The following CADM2 variants were observed in gnomAD, a reference collection of about 807,000 sequenced individuals.
CADM2 encodes the protein cell adhesion molecule 2.
Under a neutral mutation model 49.8 loss-of-function variants are expected in CADM2, and 12 were observed. The observed-to-expected ratio is 0.24, with a 90% CI of 0.15 to 0.39. CADM2 has a LOEUF of 0.39. Ranked by LOEUF, CADM2 falls within the 10% of genes least tolerant of loss-of-function variation. CADM2 has a pLI of 1.00. For missense variants in CADM2, 378 were observed against 492.3 expected, an observed-to-expected ratio of 0.77 and a Z score of 2.20; for synonymous variants, 214 against 175.4, an observed-to-expected ratio of 1.22 and a Z score of -1.74.
At chr3:85,559,871 A>G (rs1298357793) in intron 1 of CADM2, among the ~76,000 whole-genome samples, 1 of 152,154 alleles carries the variant, frequency 6.6e-6, no homozygotes, top group Non-Finnish European at 1.5e-5. Flanking sequence ...ATAAAATTTA[A>G]GGAAAGAAGC....
At chr3:85,848,873 G>T (rs992733439) in intron 3 of CADM2, among the ~76,000 whole-genome samples, 1 of 151,974 alleles carries the variant, frequency 6.6e-6, no homozygotes, top group Non-Finnish European at 1.5e-5. Flanking sequence ...ACTAGAAACA[G>T]ATTTTTTTTT....
intron 1 of CADM2, among the ~76,000 whole-genome samples, chr3:85,642,864 C>T (rs548950169): frequency 9.2e-5 from 14 of 152,232 alleles, no homozygotes; most frequent in African/African-American, 3.4e-4. Context: ...ATTTGGGAAA[C>T]GAATGTGAAA....
intron 1 of CADM2, among the ~76,000 whole-genome samples, chr3:85,093,375 G>A (rs1420212695): frequency 1.3e-5 from 2 of 151,898 alleles, no homozygotes; most frequent in Admixed American, 6.6e-5. Flanking sequence ...GCTCGGCGTG[G>A]TGGTGCACAC....
At chr3:85,504,541 C>T (rs1044638183) in intron 1 of CADM2, among the ~76,000 whole-genome samples, 6 of 152,212 alleles carry the variant, frequency 3.9e-5, no homozygotes, top group Admixed American at 1.3e-4. Context: ...CTGATTGGTG[C>T]ATTTACAATG....
intron 1 of CADM2, among the ~76,000 whole-genome samples, chr3:85,086,562 A>C (rs1381882655): frequency 7.0e-6 from 1 of 141,938 alleles, no homozygotes; most frequent in Non-Finnish European, 1.5e-5. Context: ...CCCAGGCTAG[A>C]GTGCGGTGGT....
intron 6 of CADM2, among the ~76,000 whole-genome samples, chr3:85,931,841 G>C (rs965097929): frequency 6.6e-6 from 1 of 151,620 alleles, no homozygotes; most frequent in Admixed American, 6.6e-5. Flanking sequence ...TACAGGTTAT[G>C]CAGGACTTAA....
intron 7 of CADM2, among the ~76,000 whole-genome samples, chr3:85,946,704 C>T (rs1722753692): frequency 6.6e-6 from 1 of 151,866 alleles, no homozygotes. Context: ...GAAAGGATTC[C>T]CTATTTAACA....
chr3:85,866,117 C>A (rs2075712022), intron 3 of CADM2, among the ~76,000 whole-genome samples: 1 of 152,054 alleles, frequency 6.6e-6, no homozygotes, highest in Admixed American at 6.6e-5. Flanking sequence ...TTCTGGGCGA[C>A]AGAGTGAGAG....
chr3:86,066,006 T>A (rs189632974), intron 9 of CADM2, among the ~76,000 whole-genome samples: 1 of 152,236 alleles, frequency 6.6e-6, no homozygotes, highest in African/African-American at 2.4e-5. Context: ...TTGTAATTTA[T>A]ATCTAGAACT....
chr3:86,018,519 C>T (rs1440351638), intron 8 of CADM2, among the ~76,000 whole-genome samples: 2 of 152,116 alleles, frequency 1.3e-5, no homozygotes, highest in Admixed American at 1.3e-4. Context: ...TCATATTTCT[C>T]CACATCCTCT....
chr3:85,701,604 G>T (rs2066756118), intron 1 of CADM2, among the ~76,000 whole-genome samples: 1 of 152,070 alleles, frequency 6.6e-6, no homozygotes. Flanking sequence ...CCATGGTTTA[G>T]AATCACCAAA....
At chr3:85,467,802 A>T (rs6800177) in intron 1 of CADM2, among the ~76,000 whole-genome samples, 32,328 of 151,996 alleles carry the variant, frequency 0.21, 4,002 homozygotes, top group East Asian at 0.31. Flanking sequence ...TCAAAGGCCA[A>T]CCCTGATGTA....
At chr3:85,941,442 T>A (rs767853275) in intron 7 of CADM2, among the ~76,000 whole-genome samples, 1 of 152,064 alleles carries the variant, frequency 6.6e-6, no homozygotes, top group Non-Finnish European at 1.5e-5. Flanking sequence ...ACCGAAGTCA[T>A]GGCAAAACTG....
chr3:85,033,686 G>A lies in CADM2; in HGVS notation c.61+74018G>A, dbSNP rs1246367455. Reference sequence around the variant, plus strand: ...GTGAGAGAAAAGCAAGGGAAAGAATGACAGTTTGAGGTTTTATGAAAGTGT... The same window carrying A: ...GTGAGAGAAAAGCAAGGGAAAGAATAACAGTTTGAGGTTTTATGAAAGTGT... On this transcript the variant is annotated intron_variant, in intron 1 of 9. Coordinates refer to ENST00000383699, the MANE Select transcript of CADM2 (RefSeq NM_001167675.2). 2.3e-4 allele frequency among the ~76,000 whole-genome samples: 35 copies of A among 152,146 alleles called. 2 individuals carry two copies. The highest frequency in any genetic ancestry group is 2.3e-3 in the Admixed American group (35 of 15,272).
At chr3:85,711,378 G>A (rs1254040606) in intron 1 of CADM2, among the ~76,000 whole-genome samples, 1 of 152,078 alleles carries the variant, frequency 6.6e-6, no homozygotes, top group Non-Finnish European at 1.5e-5. Context: ...AATTAACACT[G>A]TCTGACTTCA....
chr3:86,063,214 C>T (rs140808939), intron 8 of CADM2, among the ~76,000 whole-genome samples: 5 of 152,304 alleles, frequency 3.3e-5, no homozygotes, highest in African/African-American at 7.2e-5. Flanking sequence ...CAATTCTCTT[C>T]ACCATATCTG....
At chr3:85,807,373 C>G (rs2072504945) in intron 3 of CADM2, among the ~76,000 whole-genome samples, 1 of 151,894 alleles carries the variant, frequency 6.6e-6, no homozygotes, top group Non-Finnish European at 1.5e-5. Context: ...GTGGCGGATG[C>G]CAATAACCCC....
At chr3:85,961,863 T>G (rs1438333487) in intron 8 of CADM2, among the ~76,000 whole-genome samples, 1 of 151,938 alleles carries the variant, frequency 6.6e-6, no homozygotes, top group Non-Finnish European at 1.5e-5. Context: ...TTTTTTTTTG[T>G]AAAAAGCTTT....
At chr3:85,051,903 A>G (rs1471217942) in intron 1 of CADM2, among the ~76,000 whole-genome samples, 1 of 152,128 alleles carries the variant, frequency 6.6e-6, no homozygotes, top group African/African-American at 2.4e-5. Flanking sequence ...AGATATTGCA[A>G]ATGAAGGGAT....
Sources: allele counts gnomAD v4.1 joint callset (sites outside exome capture counted in the v4.1 genomes callset), GRCh38; gene constraint gnomAD v4.1.1; transcripts MANE v1.5; gene names NCBI Gene and HGNC (gene_info 2026-07-23, HGNC 2026-07-21).